Variants in DNMBP observed in about 807,000 individuals in gnomAD.
The protein encoded by DNMBP is dynamin binding protein, also known as dynamin-binding protein.
A neutral mutation model predicts 150.0 loss-of-function variants in DNMBP; 87 were observed. The observed-to-expected ratio is 0.58, with a 90% CI of 0.49 to 0.69. The LOEUF (loss-of-function observed/expected upper bound fraction) is 0.69. Among genes scored for constraint, DNMBP ranks in the 30% least tolerant of loss-of-function variants. DNMBP has a pLI of 0.00. For missense variants in DNMBP, 1,774 were observed against 1,949.0 expected (o/e 0.91, Z 1.69); for synonymous variants, 711 against 750.4 (o/e 0.95, Z 0.86).
At chr10:99,897,468 C>T (rs1339773215) in intron 9 of DNMBP, among the ~76,000 whole-genome samples, 1 of 152,180 alleles carries the variant, frequency 6.6e-6, no homozygotes, top group East Asian at 1.9e-4. Context: ...AGAGGAGCTC[C>T]ATAAATGAGG....
chr10:99,957,632 T>C (rs2040516273), intron 3 of DNMBP: 1 of 185,620 alleles, frequency 5.4e-6, no homozygotes, highest in Non-Finnish European at 1.1e-5. Flanking sequence ...GACCAGGAGT[T>C]CAAAACCAGC....
intron 2 of DNMBP, among the ~76,000 whole-genome samples, chr10:99,970,832 C>T (rs1202337251): frequency 6.6e-6 from 1 of 151,330 alleles, no homozygotes; most frequent in South Asian, 2.1e-4. Flanking sequence ...ATTAGCCAGG[C>T]GTGGTGGCAT....
chr10:99,916,331 C>T (rs1437964049), intron 4 of DNMBP, among the ~76,000 whole-genome samples: 2 of 152,166 alleles, frequency 1.3e-5, no homozygotes, highest in Admixed American at 1.3e-4. Flanking sequence ...GGCGTGGTGG[C>T]GTGTGCCTGT....
chr10:99,923,571 A>C (rs1014815749), intron 4 of DNMBP, among the ~76,000 whole-genome samples: 11 of 152,054 alleles, frequency 7.2e-5, no homozygotes, highest in Non-Finnish European at 1.0e-4. Flanking sequence ...TCAGTGATAC[A>C]GCTATGGAGG....
At chr10:99,975,875 A>T (rs139968830) in intron 1 of DNMBP, among the ~76,000 whole-genome samples, 21 of 152,350 alleles carry the variant, frequency 1.4e-4, no homozygotes, top group Non-Finnish European at 3.1e-4. Context: ...TAGTTATAAC[A>T]GTGCCTAACA....
intron 11 of DNMBP, among the ~76,000 whole-genome samples, chr10:99,894,519 T>G (rs183895292): frequency 1.3e-5 from 2 of 152,292 alleles, no homozygotes; most frequent in South Asian, 2.1e-4. Context: ...AATTGGGAGC[T>G]GAAGTGATCA....
chr10:99,877,082 G>C lies in DNMBP; in HGVS notation c.*69C>G. 2 of 1,461,686 alleles carry C rather than the reference G, an allele frequency of 1.4e-6. No homozygotes were observed. The highest frequency in any genetic ancestry group is 1.9e-6 in the Non-Finnish European group (2 of 1,079,360). The allele number at this position is 1,461,686 out of a possible 1,614,324, so 90.5% of individuals were successfully genotyped here. A position where few individuals can be genotyped will look rare whatever the true frequency, so the allele number is the denominator to read the frequency against. ...GTGTCTCAGGAGCAGGCGCCCTCTC[G>C]GTGGGCCGCCAGAACCCTCGGCGGA... On this transcript the variant is annotated 3_prime_UTR_variant, in exon 17 of 17. Coordinates refer to ENST00000324109, the MANE Select transcript of DNMBP (RefSeq NM_015221.4).
intron 4 of DNMBP, among the ~76,000 whole-genome samples, chr10:99,934,032 A>G (rs1278088099): frequency 2.0e-5 from 3 of 152,156 alleles, no homozygotes; most frequent in Admixed American, 6.5e-5. Flanking sequence ...CACTGCGCCC[A>G]GCCTTGTGAT....
At chr10:99,953,268 CT>C (rs775893613) in intron 4 of DNMBP, among the ~76,000 whole-genome samples, 341 of 145,112 alleles carry the variant, frequency 2.3e-3, no homozygotes, top group Middle Eastern at 3.6e-3. Context: ...TAATTTAAAA[CT>C]TTTTTTTTTT....
At chr10:100,000,290 G>C (rs1248390650) in intron 1 of DNMBP, among the ~76,000 whole-genome samples, 1 of 152,054 alleles carries the variant, frequency 6.6e-6, no homozygotes, top group East Asian at 1.9e-4. Flanking sequence ...GCATAACTCG[G>C]CACATCCATT....
At chr10:99,910,278 A>G (rs2039883630) in intron 4 of DNMBP, among the ~76,000 whole-genome samples, 1 of 152,270 alleles carries the variant, frequency 6.6e-6, no homozygotes, top group South Asian at 2.1e-4. Flanking sequence ...GCAGTGGCTC[A>G]CGCCCATGAT....
rs1358485670 is a variant in DNMBP, at chr10:99,987,014, G to C, written c.-10-14880C>G. ...CTAAAAATACAAAAAAATTAGCCGG[G>C]TGTGGTGGCGGGCACCTGTAGTCCC... On this transcript the variant is annotated intron_variant, in intron 1 of 16. Coordinates refer to ENST00000324109, the MANE Select transcript of DNMBP (RefSeq NM_015221.4). Among the ~76,000 whole-genome samples the C allele has an allele frequency of 2.0e-5, 3 of 152,020 alleles. No homozygotes were observed. The East Asian group carries it at 5.8e-4, about 29-fold the overall frequency.
Position 99,879,101 on chromosome 10 carries a change from A to AAAAAAAC in DNMBP, c.4548+709_4548+710insGTTTTTT, listed in dbSNP as rs1554857510. Among the ~76,000 whole-genome samples, 12 of 135,162 alleles carry AAAAAAAC rather than the reference A, an allele frequency of 8.9e-5. 1 individual carries two copies. The highest frequency in any genetic ancestry group is 3.8e-4 in the African/African-American group (12 of 31,716). The allele number at this position is 135,162 out of a possible 152,430, so 88.7% of individuals were successfully genotyped here. A position where few individuals can be genotyped will look rare whatever the true frequency, so the allele number is the denominator to read the frequency against. ...CTCTGTCTCAAAAAAAAAAAAAAAA[A>AAAAAAAC]CCCAAAACGTTTGAGATACAAAGCC... On this transcript the variant is annotated intron_variant, in intron 16 of 16. Transcript: ENST00000324109.
intron 4 of DNMBP, among the ~76,000 whole-genome samples, chr10:99,939,946 T>C (rs969605708): frequency 1.3e-5 from 2 of 152,188 alleles, no homozygotes; most frequent in Admixed American, 6.5e-5. Flanking sequence ...CCGCAACCAA[T>C]CAGCAGCACC....
chr10:99,950,900 T>C (rs2040414349), intron 4 of DNMBP, among the ~76,000 whole-genome samples: 1 of 152,230 alleles, frequency 6.6e-6, no homozygotes, highest in African/African-American at 2.4e-5. Flanking sequence ...GCGTAAGTAA[T>C]GAGCAGCCAA....
At chr10:99,977,674 A>C (rs2040742245) in intron 1 of DNMBP, among the ~76,000 whole-genome samples, 1 of 152,248 alleles carries the variant, frequency 6.6e-6, no homozygotes, top group Non-Finnish European at 1.5e-5. Context: ...ACTGGTCTAC[A>C]GCAGTGCCTG....
In DNMBP at chr10:99,938,625, C is replaced by G. The variant is rs148796019; in HGVS notation, c.2260+16589G>C. ...CAAAAGGGGGCTTCCCCCACCCTTT[C>G]TAAGTCCGATTGCCTTTAGGACTTT... On this transcript the variant is annotated intron_variant, in intron 4 of 16. Coordinates refer to ENST00000324109, the MANE Select transcript of DNMBP (RefSeq NM_015221.4). Among the ~76,000 whole-genome samples the G allele has an allele frequency of 1.5e-3, 222 of 152,294 alleles. 1 individual carries two copies. The highest frequency in any genetic ancestry group is 4.7e-3 in the African/African-American group (197 of 41,574).
At chr10:99,958,780 A>G (rs2040528198) in intron 3 of DNMBP, among the ~76,000 whole-genome samples, 1 of 152,240 alleles carries the variant, frequency 6.6e-6, no homozygotes, top group African/African-American at 2.4e-5. Flanking sequence ...GCATGCTGGT[A>G]TAAAATCATT....
intron 4 of DNMBP, among the ~76,000 whole-genome samples, chr10:99,928,574 T>C (rs2040109021): frequency 6.6e-6 from 1 of 152,152 alleles, no homozygotes; most frequent in African/African-American, 2.4e-5. Context: ...TTATGAGAAC[T>C]GAAGAAAAGA....
Sources: gnomAD v4.1 joint callset for allele counts (sites outside exome capture counted in the v4.1 genomes callset) on GRCh38, gnomAD v4.1.1 for gene constraint, MANE v1.5 for transcripts, NCBI Gene and HGNC (gene_info 2026-07-23, HGNC 2026-07-21) for gene names.